TDRP: variants seen among roughly 807,000 people sequenced by gnomAD.
TDRP encodes the protein testis development-related protein.
Under a neutral mutation model 10.5 loss-of-function variants are expected in TDRP, and 12 were observed. That is an observed-to-expected ratio of 1.15 (90% CI 0.73 to 1.86). The LOEUF (loss-of-function observed/expected upper bound fraction) is 1.86. TDRP is among the 40% of genes most tolerant of loss of function. TDRP has a pLI of 0.00. For missense variants in TDRP, 353 were observed against 229.2 expected (o/e 1.54, Z -3.49); for synonymous variants, 139 against 95.4 (o/e 1.46, Z -2.67).
In TDRP at chr8:527,870, C is replaced by A. The variant is rs577545070; in HGVS notation, c.108+16780G>T. Among the ~76,000 whole-genome samples the A allele has an allele frequency of 2.4e-4, 36 of 152,194 alleles. 1 individual carries two copies. In the South Asian group the frequency reaches 7.3e-3, roughly 31 times the overall value. ...TGGACTAAGCAAAGATTTCTTAATA[C>A]CCCACAAGCACAGGTAACCAAAGCA... On this transcript the variant is annotated intron_variant, in intron 1 of 2. Coordinates refer to ENST00000324079, the MANE Select transcript of TDRP (RefSeq NM_001384899.1).
chr8:518,300 T>C (rs906270618), intron 1 of TDRP, among the ~76,000 whole-genome samples: 14 of 152,022 alleles, frequency 9.2e-5, no homozygotes, highest in African/African-American at 2.2e-4. Flanking sequence ...AAAGAGTCTA[T>C]TGAAAAAGAG....
rs1012084548 is a variant in TDRP, at chr8:491,549, G to A, written c.*850C>T. On this transcript the variant is annotated 3_prime_UTR_variant, in exon 3 of 3. Coordinates refer to ENST00000324079, the MANE Select transcript of TDRP (RefSeq NM_001384899.1). ...TCTCGCTTTGCAAGAACAAACATAT[G>A]AGCCTAATAAAAAAGAGGCACTTCA... is the stretch of plus-strand genomic sequence containing the variant. The A allele has an allele frequency of 5.6e-6, 8 of 1,434,248 alleles. No homozygotes were observed. In the East Asian group the frequency reaches 7.7e-5, roughly 14 times the overall value. 88.8% of individuals were successfully genotyped at this position (1,434,248 alleles called of 1,614,324 possible). A position where few individuals can be genotyped will look rare whatever the true frequency, so the allele number is the denominator to read the frequency against.
intron 1 of TDRP, among the ~76,000 whole-genome samples, chr8:532,457 C>G (rs1802229905): frequency 6.6e-6 from 1 of 152,230 alleles, no homozygotes; most frequent in Admixed American, 6.5e-5. Context: ...AGCTTCTATA[C>G]TCTGCTAGGG....
intron 1 of TDRP, among the ~76,000 whole-genome samples, chr8:529,327 A>T (rs75424651): frequency 0.01 from 1,562 of 152,312 alleles, 28 homozygotes; most frequent in African/African-American, 0.035. Flanking sequence ...CGAGTATTTT[A>T]TATTTTTATC....
intron 2 of TDRP, among the ~76,000 whole-genome samples, chr8:493,806 T>C (rs1335391770): frequency 6.6e-6 from 1 of 151,942 alleles, no homozygotes; most frequent in Non-Finnish European, 1.5e-5. Context: ...GTTTGGTTTT[T>C]TTCTGAAACT....
At chr8:519,697 C>T (rs1801847971) in intron 1 of TDRP, among the ~76,000 whole-genome samples, 1 of 152,194 alleles carries the variant, frequency 6.6e-6, no homozygotes, top group East Asian at 1.9e-4. Context: ...TGAGGTGTGA[C>T]TAAAAGAGAG....
Position 528,877 on chromosome 8 carries a change from T to A in TDRP, c.108+15773A>T, listed in dbSNP as rs570978272. Among the ~76,000 whole-genome samples, 8 of 152,118 alleles carry A rather than the reference T, an allele frequency of 5.3e-5. No individual in the cohort carries two copies. The South Asian group carries it at 1.7e-3, about 32-fold the overall frequency. On this transcript the variant is annotated intron_variant, in intron 1 of 2. Transcript: ENST00000324079. ...TGTGTGTGTGTAAAGGGGAATTTAT[T>A]AAGTAGTATTAACTCACACAATCAC...
At chr8:540,445 C>A (rs1802462604) in intron 1 of TDRP, among the ~76,000 whole-genome samples, 1 of 152,284 alleles carries the variant, frequency 6.6e-6, no homozygotes, top group Admixed American at 6.5e-5. Context: ...AAGAGCTTAA[C>A]AATGTTTCCC....
At chr8:540,311 C>G (rs1439031843) in intron 1 of TDRP, among the ~76,000 whole-genome samples, 1 of 152,126 alleles carries the variant, frequency 6.6e-6, no homozygotes, top group African/African-American at 2.4e-5. Context: ...GGGAAGCACT[C>G]CATGAGACAC....
intron 1 of TDRP, among the ~76,000 whole-genome samples, chr8:499,870 T>C (rs976090954): frequency 6.6e-6 from 1 of 152,126 alleles, no homozygotes; most frequent in East Asian, 1.9e-4. Flanking sequence ...TGTCCTGAGG[T>C]GGACAAAATC....
intron 1 of TDRP, among the ~76,000 whole-genome samples, chr8:515,545 A>G (rs1006124879): frequency 2.0e-5 from 3 of 152,208 alleles, no homozygotes; most frequent in Admixed American, 1.3e-4. Context: ...CAGCATTCAA[A>G]AAGTTTTGAA....
intron 1 of TDRP, among the ~76,000 whole-genome samples, chr8:535,413 C>A (rs553361613): frequency 2.0e-5 from 3 of 152,222 alleles, no homozygotes; most frequent in Admixed American, 1.3e-4. Flanking sequence ...CCCCAGCTAA[C>A]GTGGGGTGAA....
chr8:492,144 T>G lies in TDRP; in HGVS notation c.*255A>C. The G allele has an allele frequency of 8.0e-7, 1 of 1,248,186 alleles. No homozygotes were observed. The highest frequency in any genetic ancestry group is 1.5e-5 in the African/African-American group (1 of 64,870). The allele number at this position is 1,248,186 out of a possible 1,614,324, so 77.3% of individuals were successfully genotyped here. On this transcript the variant is annotated 3_prime_UTR_variant, in exon 3 of 3. Transcript: ENST00000324079. ...TGGGAGAGCATCATAAATTCACATCTCCAGTTTCTGCAAAACATGGACTGA... is the reference window on the plus strand; with the variant it reads ...TGGGAGAGCATCATAAATTCACATCGCCAGTTTCTGCAAAACATGGACTGA...
At chr8:514,784 C>G (rs1345197) in intron 1 of TDRP, among the ~76,000 whole-genome samples, 4 of 151,732 alleles carry the variant, frequency 2.6e-5, no homozygotes, top group African/African-American at 7.3e-5. Flanking sequence ...CGAGAAGCAA[C>G]GGGAACATGT....
chr8:502,508 C>A lies in TDRP; in HGVS notation c.109-7911G>T, dbSNP rs540093032. ...GACCCCCAGCCTGCCTGAACACAGT[C>A]TGACTCAAAAAACTAGCTCGGGTGA... On this transcript the variant is annotated intron_variant, in intron 1 of 2. Coordinates refer to ENST00000324079, the MANE Select transcript of TDRP (RefSeq NM_001384899.1). 2.0e-4 allele frequency among the ~76,000 whole-genome samples: 30 copies of A among 152,358 alleles called. No homozygotes were observed. The South Asian group carries it at 2.9e-3, about 15-fold the overall frequency.
chr8:537,696 A>G (rs1172215129), intron 1 of TDRP, among the ~76,000 whole-genome samples: 1 of 152,214 alleles, frequency 6.6e-6, no homozygotes, highest in South Asian at 2.1e-4. Flanking sequence ...ATGCTAAATT[A>G]GCCTCCTATC....
At chr8:529,828 T>G (rs1365736200) in intron 1 of TDRP, among the ~76,000 whole-genome samples, 2 of 152,218 alleles carry the variant, frequency 1.3e-5, no homozygotes, top group African/African-American at 4.8e-5. Flanking sequence ...GCAATTTGAT[T>G]AAAATCTTTC....
intron 1 of TDRP, among the ~76,000 whole-genome samples, chr8:537,604 G>A (rs1024723807): frequency 2.6e-5 from 4 of 152,186 alleles, no homozygotes; most frequent in African/African-American, 4.8e-5. Context: ...TGGGGACTAC[G>A]AGGTTTTTAG....
Position 490,034 on chromosome 8 carries a change from T to TA in TDRP, c.*2364dup, listed in dbSNP as rs948574441. On this transcript the variant is annotated 3_prime_UTR_variant, in exon 3 of 3. Transcript: ENST00000324079. ...AGCACATCACTTTCCTATTAAAAAA[T>TA]AAAAAAAGTACAGTAGAAGGAGCAC... The TA allele has an allele frequency of 3.3e-5, 5 of 151,976 alleles. No individual in the cohort carries two copies. The highest frequency in any genetic ancestry group is 5.9e-5 in the Non-Finnish European group (4 of 67,970). The allele number at this position is 151,976 out of a possible 1,614,324, so 9.4% of individuals were successfully genotyped here.
Sources: allele counts gnomAD v4.1 joint callset (sites outside exome capture counted in the v4.1 genomes callset), GRCh38; gene constraint gnomAD v4.1.1; transcripts MANE v1.5; gene names NCBI Gene and HGNC (gene_info 2026-07-23, HGNC 2026-07-21).